Variants in STPG2 observed in about 807,000 individuals in gnomAD.
STPG2 encodes sperm-tail PG-rich repeat-containing protein 2.
A neutral mutation model predicts 54.2 loss-of-function variants in STPG2; 56 were observed. The ratio of observed to expected loss-of-function variants is 1.03; its 90% confidence interval spans 0.83 to 1.29. STPG2 has a LOEUF of 1.29. Ranked by LOEUF, STPG2 falls within the 50% of genes most tolerant of loss-of-function variation. The pLI is 0.00. For missense variants in STPG2, 596 were observed against 544.9 expected, an observed-to-expected ratio of 1.09 and a Z score of -0.93; for synonymous variants, 200 against 181.8, an observed-to-expected ratio of 1.10 and a Z score of -0.81.
chr4:97,618,566 A>G (rs185480176), intron 10 of STPG2, among the ~76,000 whole-genome samples: 13 of 152,338 alleles, frequency 8.5e-5, no homozygotes, highest in Admixed American at 7.2e-4. Flanking sequence ...TGAATAAATG[A>G]GTACTTTTAT....
At chr4:98,076,756 A>G (rs566976257) in intron 5 of STPG2, among the ~76,000 whole-genome samples, 10 of 152,296 alleles carry the variant, frequency 6.6e-5, no homozygotes, top group Admixed American at 5.2e-4. Context: ...TAGAAAAGCT[A>G]TTCTTATTCC....
intron 4 of STPG2, among the ~76,000 whole-genome samples, chr4:97,531,241 T>C (rs1468511100): frequency 6.6e-6 from 1 of 152,194 alleles, no homozygotes; most frequent in Admixed American, 6.5e-5. Context: ...AAGGGAACAC[T>C]TGGACATTGT....
chr4:97,570,628 AT>A (rs1644437850), intron 10 of STPG2, among the ~76,000 whole-genome samples: 1 of 151,968 alleles, frequency 6.6e-6, no homozygotes, highest in African/African-American at 2.4e-5. Flanking sequence ...ACTGAAGACA[AT>A]TTTGGAGTCT....
At chr4:97,768,639 A>C (rs766388147) in intron 9 of STPG2, among the ~76,000 whole-genome samples, 11 of 152,086 alleles carry the variant, frequency 7.2e-5, no homozygotes, top group Non-Finnish European at 1.6e-4. Context: ...AAAATAAAGG[A>C]CATTAAACCT....
At chr4:97,734,762 G>C (rs1724918760) in intron 9 of STPG2, among the ~76,000 whole-genome samples, 1 of 152,054 alleles carries the variant, frequency 6.6e-6, no homozygotes, top group South Asian at 2.1e-4. Context: ...AAACAAGTAG[G>C]ACAACATCAA....
intron 10 of STPG2, among the ~76,000 whole-genome samples, chr4:97,655,547 A>G (rs2148956975): frequency 6.6e-6 from 1 of 152,210 alleles, no homozygotes; most frequent in South Asian, 2.1e-4. Context: ...TTGGATGAAG[A>G]GATGAAATAA....
chr4:97,765,861 T>C (rs1367070073), intron 9 of STPG2, among the ~76,000 whole-genome samples: 1 of 152,156 alleles, frequency 6.6e-6, no homozygotes, highest in Non-Finnish European at 1.5e-5. Context: ...CCTTTAAATA[T>C]TTAATGAGTG....
At chr4:97,923,801 C>T (rs1012125271) in intron 8 of STPG2, among the ~76,000 whole-genome samples, 5 of 152,132 alleles carry the variant, frequency 3.3e-5, no homozygotes, top group African/African-American at 1.2e-4. Context: ...CTGTATCTAG[C>T]TAATCTAGTG....
intron 10 of STPG2, among the ~76,000 whole-genome samples, chr4:97,655,019 A>G (rs1185567028): frequency 6.6e-6 from 1 of 152,114 alleles, no homozygotes; most frequent in Non-Finnish European, 1.5e-5. Flanking sequence ...GGAATAACAT[A>G]CAGAGAAATA....
chr4:97,635,831 A>T (rs1381777590), intron 10 of STPG2, among the ~76,000 whole-genome samples: 1 of 151,880 alleles, frequency 6.6e-6, no homozygotes, highest in Non-Finnish European at 1.5e-5. Flanking sequence ...GAGCACCCAG[A>T]TTCATACGGC....
chr4:97,632,086 C>G (rs1012023998), intron 10 of STPG2, among the ~76,000 whole-genome samples: 12 of 151,918 alleles, frequency 7.9e-5, no homozygotes, highest in African/African-American at 2.9e-4. Flanking sequence ...TTAATCTAGG[C>G]ATTTAGGAAG....
At chr4:97,883,731 T>A (rs1730462396) in intron 8 of STPG2, among the ~76,000 whole-genome samples, 2 of 152,166 alleles carry the variant, frequency 1.3e-5, no homozygotes, top group African/African-American at 2.4e-5. Flanking sequence ...AAAAAAAGTT[T>A]TAGACAGAAT....
chr4:97,903,602 G>T (rs60007031), intron 8 of STPG2, among the ~76,000 whole-genome samples: 59 of 152,062 alleles, frequency 3.9e-4, no homozygotes, highest in Non-Finnish European at 6.9e-4. Context: ...AAAAAGAGGG[G>T]AAGGAGCCAA....
intron 10 of STPG2, among the ~76,000 whole-genome samples, chr4:97,671,824 C>G (rs1325948454): frequency 6.6e-6 from 1 of 152,076 alleles, no homozygotes. Context: ...TGAGGAGAAC[C>G]TAGACCAGTG....
chr4:97,844,072 A>G (rs1218294969), intron 8 of STPG2, among the ~76,000 whole-genome samples: 1 of 151,902 alleles, frequency 6.6e-6, no homozygotes, highest in African/African-American at 2.4e-5. Context: ...TTCCAGAATC[A>G]AGAGGTTTCA....
intron 7 of STPG2, among the ~76,000 whole-genome samples, chr4:97,968,673 C>A (rs1366379250): frequency 6.6e-6 from 1 of 152,044 alleles, no homozygotes; most frequent in East Asian, 1.9e-4. Flanking sequence ...TAAACAGAAC[C>A]AATGACAAAA....
intron 5 of STPG2, among the ~76,000 whole-genome samples, chr4:97,988,657 A>C (rs1056011847): frequency 2.0e-5 from 3 of 152,180 alleles, no homozygotes; most frequent in Non-Finnish European, 4.4e-5. Flanking sequence ...CCCAGGCTGG[A>C]GTGCAGTGGC....
At chr4:98,033,709 A>G (rs780363668) in intron 5 of STPG2, among the ~76,000 whole-genome samples, 4 of 152,222 alleles carry the variant, frequency 2.6e-5, no homozygotes, top group Admixed American at 1.3e-4. Flanking sequence ...TCAATAAAAT[A>G]CTGGCAAACC....
At chr4:97,678,790 A>G (rs1164967220) in intron 10 of STPG2, among the ~76,000 whole-genome samples, 8 of 96,362 alleles carry the variant, frequency 8.3e-5, no homozygotes, top group South Asian at 3.6e-4. Context: ...CCGACCCTAC[A>G]ACAGTCCCCA....
Sources: allele counts gnomAD v4.1 joint callset (sites outside exome capture counted in the v4.1 genomes callset), GRCh38; gene constraint gnomAD v4.1.1; transcripts MANE v1.5; gene names NCBI Gene and HGNC (gene_info 2026-07-23, HGNC 2026-07-21).